Variants in ENTPD1 observed in about 807,000 individuals in gnomAD.
ENTPD1 encodes ectonucleoside triphosphate diphosphohydrolase 1.
A neutral mutation model predicts 57.0 loss-of-function variants in ENTPD1; 33 were observed. The observed-to-expected ratio is 0.58, with a 90% CI of 0.44 to 0.77. The LOEUF is 0.77. Among genes scored for constraint, ENTPD1 ranks in the 30% least tolerant of loss-of-function variants. ENTPD1 has a pLI of 0.00. For missense variants in ENTPD1, 501 were observed against 603.4 expected, an observed-to-expected ratio of 0.83 and a Z score of 1.78; for synonymous variants, 202 against 218.8, an observed-to-expected ratio of 0.92 and a Z score of 0.68.
intron 1 of ENTPD1, among the ~76,000 whole-genome samples, chr10:95,717,553 C>T (rs2097972920): frequency 6.6e-6 from 1 of 152,100 alleles, no homozygotes; most frequent in African/African-American, 2.4e-5. Flanking sequence ...TCTAGCGAGC[C>T]CTCTTTACTA....
At chr10:95,849,024 A>G (rs1325498975) in intron 7 of ENTPD1, among the ~76,000 whole-genome samples, 1 of 152,212 alleles carries the variant, frequency 6.6e-6, no homozygotes, top group African/African-American at 2.4e-5. Flanking sequence ...GTTTTCCTCT[A>G]TAAAGACATT....
chr10:95,859,911 T>A (rs1312942894), intron 7 of ENTPD1, among the ~76,000 whole-genome samples: 2 of 152,208 alleles, frequency 1.3e-5, no homozygotes, highest in Non-Finnish European at 2.9e-5. Context: ...TTGATGATGA[T>A]AATGATTTTT....
chr10:95,786,045 A>G (rs889240856), intron 1 of ENTPD1, among the ~76,000 whole-genome samples: 1 of 152,204 alleles, frequency 6.6e-6, no homozygotes, highest in African/African-American at 2.4e-5. Context: ...AACTGGATGC[A>G]GGTGAAAGAG....
rs1379665681 is a variant in ENTPD1 at position 95,844,540 on chromosome 10, C to G, written c.478C>G (p.Pro160Ala). 5 of 1,614,186 alleles carry G rather than the reference C, an allele frequency of 3.1e-6. No individual in the cohort carries two copies. Among genetic ancestry groups the G allele is most frequent in the Middle Eastern group, 1.7e-4 (1 of 6,060 alleles). ...DVVERSLSNY[P>A]FDFQGARIIT... ...GGTGGAGAGGAGCCTCAGCAACTACCCCTTTGACTTCCAGGGTGCCAGGAT... is the reference window on the plus strand; with the variant it reads ...GGTGGAGAGGAGCCTCAGCAACTACGCCTTTGACTTCCAGGGTGCCAGGAT... The change falls in exon 5 of 10, where the codon CCC becomes GCC. Residue 160 changes from proline to alanine, a missense_variant. Coordinates refer to ENST00000371205, the MANE Select transcript of ENTPD1 (RefSeq NM_001776.6).
intron 1 of ENTPD1, among the ~76,000 whole-genome samples, chr10:95,817,577 T>C (rs1048704716): frequency 4.6e-5 from 7 of 152,212 alleles, no homozygotes; most frequent in African/African-American, 1.2e-4. Context: ...GGGGACCCCA[T>C]TGATCCTCTG....
At position 95,870,540 on chromosome 10, in the gene ENTPD1, A is replaced by C. The variant is rs1178119936; in HGVS notation, c.*4157A>C. On this transcript the variant is annotated 3_prime_UTR_variant, in exon 10 of 10. Transcript: ENST00000371205. Reference sequence around the variant, plus strand: ...GCAATCCTCCTGCCTTGGCCTCCCAAAGTGTTGAGATTACAGGCGTAAGCC... The same window carrying C: ...GCAATCCTCCTGCCTTGGCCTCCCACAGTGTTGAGATTACAGGCGTAAGCC... The C allele has an allele frequency of 1.0e-6, 1 of 983,678 alleles. No individual in the cohort carries two copies. The highest frequency in any genetic ancestry group is 1.7e-5 in the African/African-American group (1 of 57,180). 60.9% of individuals were successfully genotyped at this position (983,678 alleles called of 1,614,324 possible).
At chr10:95,729,601 A>G (rs917102794) in intron 1 of ENTPD1, among the ~76,000 whole-genome samples, 10 of 152,176 alleles carry the variant, frequency 6.6e-5, no homozygotes, top group African/African-American at 2.2e-4. Context: ...ACTCCCACCC[A>G]CTGCAAAGAC....
chr10:95,866,974 C>T lies in ENTPD1; in HGVS notation c.*591C>T, dbSNP rs766405246. ...AATATATGTGCTCATGCAGTCAATACAGTTCTCAATCCCACCCAAAGCAGG... is the reference window on the plus strand; with the variant it reads ...AATATATGTGCTCATGCAGTCAATATAGTTCTCAATCCCACCCAAAGCAGG... On this transcript the variant is annotated 3_prime_UTR_variant, in exon 10 of 10. Transcript: ENST00000371205. The T allele has an allele frequency of 1.0e-6, 1 of 999,272 alleles. No homozygotes were observed. The highest frequency in any genetic ancestry group is 1.2e-6 in the Non-Finnish European group (1 of 837,370). 61.9% of individuals were successfully genotyped at this position (999,272 alleles called of 1,614,324 possible).
intron 1 of ENTPD1, among the ~76,000 whole-genome samples, chr10:95,803,479 T>C (rs1200630192): frequency 1.3e-5 from 2 of 152,266 alleles, no homozygotes; most frequent in Non-Finnish European, 2.9e-5. Flanking sequence ...CATTTTTTAA[T>C]GTGTCTGTTG....
rs1306131511 is a variant in ENTPD1 at position 95,870,010 on chromosome 10, TTG to T, written c.*3629_*3630del. The T allele has an allele frequency of 4.1e-6, 4 of 985,336 alleles. No homozygotes were observed. The African/African-American group carries it at 7.0e-5, about 17-fold the overall frequency. 61.0% of individuals were successfully genotyped at this position (985,336 alleles called of 1,614,324 possible). A position where few individuals can be genotyped will look rare whatever the true frequency, so the allele number is the denominator to read the frequency against. On this transcript the variant is annotated 3_prime_UTR_variant, in exon 10 of 10. Coordinates refer to ENST00000371205, the MANE Select transcript of ENTPD1 (RefSeq NM_001776.6). The stretch of plus-strand genomic sequence containing the variant: ...AAAAGACACAGGAACTAAGCCCTCA[TTG>T]TCTTTCCCTTGGGAGGTAGTTTAAA...
At chr10:95,768,713 C>T (rs1476506524) in intron 1 of ENTPD1, among the ~76,000 whole-genome samples, 1 of 152,096 alleles carries the variant, frequency 6.6e-6, no homozygotes, top group East Asian at 1.9e-4. Context: ...TGGCAACATC[C>T]TCTTGTACAG....
chr10:95,800,417 C>T (rs906651892), intron 1 of ENTPD1, among the ~76,000 whole-genome samples: 2 of 152,144 alleles, frequency 1.3e-5, no homozygotes, highest in African/African-American at 2.4e-5. Context: ...TGATGAGGGC[C>T]TATGTCCCAC....
At chr10:95,726,685 C>G (rs1309210221) in intron 1 of ENTPD1, among the ~76,000 whole-genome samples, 4 of 152,166 alleles carry the variant, frequency 2.6e-5, no homozygotes, top group Non-Finnish European at 5.9e-5. Context: ...GTTTCTCTCT[C>G]TTTACTTTCA....
intron 1 of ENTPD1, among the ~76,000 whole-genome samples, chr10:95,762,258 T>A (rs1447137567): frequency 6.7e-6 from 1 of 148,500 alleles, no homozygotes; most frequent in Non-Finnish European, 1.5e-5. Context: ...ATAGGAAGGA[T>A]GTAAAGCATT....
intron 2 of ENTPD1, chr10:95,833,406 A>G (rs1270852759): frequency 6.6e-6 from 1 of 152,262 alleles, no homozygotes; most frequent in Non-Finnish European, 1.5e-5. Context: ...TATAGGCCCT[A>G]CTAGCATCTC....
chr10:95,772,580 C>T (rs2098119248), intron 1 of ENTPD1, among the ~76,000 whole-genome samples: 1 of 152,208 alleles, frequency 6.6e-6, no homozygotes, highest in South Asian at 2.1e-4. Context: ...GGCTCCACTA[C>T]TAATTCTAGT....
chr10:95,861,269 T>G (rs897595679), intron 8 of ENTPD1: 7 of 152,696 alleles, frequency 4.6e-5, no homozygotes, highest in African/African-American at 1.7e-4. Flanking sequence ...TATCTCCTAC[T>G]TATTCATAAA....
At chr10:95,788,451 T>C (rs960504089) in intron 1 of ENTPD1, among the ~76,000 whole-genome samples, 1 of 151,942 alleles carries the variant, frequency 6.6e-6, no homozygotes, top group Non-Finnish European at 1.5e-5. Flanking sequence ...ACCCCATCTC[T>C]ACTAAAAATA....
chr10:95,825,259 G>C (rs563037146), intron 2 of ENTPD1, among the ~76,000 whole-genome samples: 1 of 152,310 alleles, frequency 6.6e-6, no homozygotes, highest in South Asian at 2.1e-4. Flanking sequence ...AGTTCTATTG[G>C]ACATTGCCAC....
Sources: allele counts gnomAD v4.1 joint callset (sites outside exome capture counted in the v4.1 genomes callset), GRCh38; gene constraint gnomAD v4.1.1; transcripts MANE v1.5; gene names NCBI Gene and HGNC (gene_info 2026-07-23, HGNC 2026-07-21).